The following DYM variants were observed in gnomAD, a reference collection of about 807,000 sequenced individuals.
The protein encoded by DYM is dymeclin.
In DYM, 78 loss-of-function variants were observed where a neutral mutation model predicts 93.1. The ratio of observed to expected loss-of-function variants is 0.84; its 90% CI spans 0.70 to 1.01. The LOEUF (loss-of-function observed/expected upper bound fraction) is 1.01. Ranked by LOEUF, DYM falls within the 50% of genes least tolerant of loss-of-function variation. DYM has a pLI of 0.00. For synonymous variants in DYM, 321 were observed against 319.7 expected (o/e 1.00, Z -0.04); for missense variants, 789 against 845.0 (o/e 0.93, Z 0.82).
intron 13 of DYM, among the ~76,000 whole-genome samples, chr18:49,242,841 A>G (rs2094056729): frequency 6.6e-6 from 1 of 152,152 alleles, no homozygotes; most frequent in Admixed American, 6.5e-5. Context: ...CTGGGACTAC[A>G]GGCGCCCGCC....
intron 17 of DYM, among the ~76,000 whole-genome samples, chr18:49,096,739 C>T (rs1485743387): frequency 6.6e-6 from 1 of 152,142 alleles, no homozygotes; most frequent in Non-Finnish European, 1.5e-5. Flanking sequence ...GATGTAAATG[C>T]CTTCTTCAAA....
intron 13 of DYM, among the ~76,000 whole-genome samples, chr18:49,234,876 A>C (rs1230505657): frequency 6.6e-6 from 1 of 152,210 alleles, no homozygotes; most frequent in Non-Finnish European, 1.5e-5. Context: ...GAGAAGCATC[A>C]TTTGATGTGC....
At chr18:49,281,088 A>T (rs1692212410) in intron 10 of DYM, among the ~76,000 whole-genome samples, 1 of 152,164 alleles carries the variant, frequency 6.6e-6, no homozygotes, top group African/African-American at 2.4e-5. Context: ...TCTGCAATGA[A>T]CTCCAACAAA....
At chr18:49,071,247 CT>C (rs1364089692) in intron 17 of DYM, among the ~76,000 whole-genome samples, 1 of 152,208 alleles carries the variant, frequency 6.6e-6, no homozygotes, top group Admixed American at 6.5e-5. Flanking sequence ...GATTTGAATG[CT>C]TTCATTAGTG....
At chr18:49,070,814 G>A (rs115949753) in intron 17 of DYM, among the ~76,000 whole-genome samples, 3 of 152,196 alleles carry the variant, frequency 2.0e-5, no homozygotes, top group African/African-American at 7.2e-5. Flanking sequence ...AATGTTAGCC[G>A]CTGGATGTTG....
chr18:49,088,039 C>T (rs1465766427), intron 17 of DYM, among the ~76,000 whole-genome samples: 1 of 151,890 alleles, frequency 6.6e-6, no homozygotes, highest in Non-Finnish European at 1.5e-5. Flanking sequence ...GAGTAGATTG[C>T]AAAAATTTTC....
chr18:49,455,028 TC>T (rs1465688530), intron 1 of DYM, among the ~76,000 whole-genome samples: 1 of 150,758 alleles, frequency 6.6e-6, no homozygotes, highest in Admixed American at 6.6e-5. Flanking sequence ...GACTTTCCAC[TC>T]CTTAACCCAC....
rs1263381578 is a variant in DYM, at chr18:49,292,609, A to C, written c.764-5993T>G. 6.4e-5 allele frequency among the ~76,000 whole-genome samples: 6 copies of C among 93,658 alleles called. No individual in the cohort carries two copies. In the East Asian group the frequency reaches 8.7e-4, roughly 14 times the overall value. 61.4% of individuals were successfully genotyped at this position (93,658 alleles called of 152,430 possible). ...TCCTGTTGGAAAAAAAAAAAAAAAA[A>C]AAAAAAAAAAAAAAAACCCCCACAA... On this transcript the variant is annotated intron_variant, in intron 8 of 17. Coordinates refer to ENST00000675505, the MANE Select transcript of DYM (RefSeq NM_001353214.3).
At chr18:49,298,461 A>G (rs957232326) in intron 8 of DYM, among the ~76,000 whole-genome samples, 9 of 151,930 alleles carry the variant, frequency 5.9e-5, no homozygotes, top group African/African-American at 2.2e-4. Context: ...GGCACCTGTA[A>G]TCCCAGCTAC....
intron 8 of DYM, among the ~76,000 whole-genome samples, chr18:49,314,764 G>T (rs2061817552): frequency 6.6e-6 from 1 of 152,142 alleles, no homozygotes; most frequent in Non-Finnish European, 1.5e-5. Flanking sequence ...CACAGAACCA[G>T]CAGGGGGAAT....
intron 3 of DYM, among the ~76,000 whole-genome samples, chr18:49,381,953 T>C (rs2068081706): frequency 1.3e-5 from 2 of 150,878 alleles, no homozygotes; most frequent in African/African-American, 4.9e-5. Flanking sequence ...CAAACGCATC[T>C]CTGTGGGACT....
At chr18:49,071,266 T>C (rs1049714964) in intron 17 of DYM, among the ~76,000 whole-genome samples, 1 of 152,242 alleles carries the variant, frequency 6.6e-6, no homozygotes, top group African/African-American at 2.4e-5. Context: ...GTGAAATCCC[T>C]CTGATGCATG....
chr18:49,169,079 T>C (rs966950650), intron 14 of DYM, among the ~76,000 whole-genome samples: 1 of 152,110 alleles, frequency 6.6e-6, no homozygotes, highest in Admixed American at 6.5e-5. Flanking sequence ...AGACAGACAG[T>C]GAGTCAAATA....
In DYM at chr18:49,118,759, C is replaced by T. The variant is rs368105191; in HGVS notation, c.1896G>A (p.Met632Ile). 6 of 1,613,726 alleles carry T rather than the reference C, an allele frequency of 3.7e-6. No individual in the cohort carries two copies. In the African/African-American group the frequency reaches 8.0e-5, roughly 22 times the overall value. ...TTACACTCACCAGATCAATATTTTG[C>T]ATTATATCCTGAAATGAAGGATGAG... ...FRTHPSFQDI[M>I]QNIDLVISFF... is the part of the protein sequence containing the mutation. Residue 632 changes from methionine to isoleucine, a missense_variant, in exon 16 of 18, where the codon ATG becomes ATA. Coordinates refer to ENST00000675505, the MANE Select transcript of DYM (RefSeq NM_001353214.3).
intron 13 of DYM, among the ~76,000 whole-genome samples, chr18:49,243,694 A>T (rs2094092870): frequency 1.3e-5 from 2 of 151,890 alleles, no homozygotes; most frequent in Non-Finnish European, 2.9e-5. Context: ...AAAAAGAAAA[A>T]AAAAATCATT....
At chr18:49,127,988 A>G (rs1407414323) in intron 15 of DYM, among the ~76,000 whole-genome samples, 1 of 152,228 alleles carries the variant, frequency 6.6e-6, no homozygotes, top group Non-Finnish European at 1.5e-5. Flanking sequence ...ATGTGGTTTG[A>G]ATGTGACCCA....
At chr18:49,260,236 C>T (rs1352116776) in intron 11 of DYM, among the ~76,000 whole-genome samples, 1 of 152,026 alleles carries the variant, frequency 6.6e-6, no homozygotes, top group Non-Finnish European at 1.5e-5. Context: ...AAAAATTAGC[C>T]GGGTGTAGTA....
intron 1 of DYM, among the ~76,000 whole-genome samples, chr18:49,437,646 GGC>G (rs1396985092): frequency 2.6e-5 from 4 of 152,100 alleles, no homozygotes; most frequent in African/African-American, 7.2e-5. Flanking sequence ...GATACTGCCT[GGC>G]TGCCTTCTAC....
chr18:49,403,303 T>C (rs1320476597), intron 2 of DYM, among the ~76,000 whole-genome samples: 1 of 152,222 alleles, frequency 6.6e-6, no homozygotes, highest in African/African-American at 2.4e-5. Flanking sequence ...TGATTTTATT[T>C]ACATTAATGT....
Sources: allele counts gnomAD v4.1 joint callset (sites outside exome capture counted in the v4.1 genomes callset), GRCh38; gene constraint gnomAD v4.1.1; transcripts MANE v1.5; gene names NCBI Gene and HGNC (gene_info 2026-07-23, HGNC 2026-07-21).